Variants in LEKR1 observed in about 807,000 individuals in gnomAD.
LEKR1 encodes the protein protein LEKR1.
A neutral mutation model predicts 72.4 loss-of-function variants in LEKR1; 59 were observed. The observed-to-expected ratio is 0.82, with a 90% CI of 0.66 to 1.01. The LOEUF (loss-of-function observed/expected upper bound fraction) is 1.01. Among genes scored for constraint, LEKR1 ranks in the 50% least tolerant of loss-of-function variants. LEKR1 has a pLI of 0.00. For synonymous variants in LEKR1, 257 were observed against 263.2 expected, an observed-to-expected ratio of 0.98 and a Z score of 0.23; for missense variants, 728 against 759.2, an observed-to-expected ratio of 0.96 and a Z score of 0.48.
chr3:157,035,368 A>T (rs1328716970), intron 12 of LEKR1, among the ~76,000 whole-genome samples: 1 of 152,168 alleles, frequency 6.6e-6, no homozygotes, highest in Non-Finnish European at 1.5e-5. Context: ...CCAGTTCCCA[A>T]GAAGCCCCTG....
intron 9 of LEKR1, among the ~76,000 whole-genome samples, chr3:157,006,075 G>T (rs554427014): frequency 6.6e-6 from 1 of 150,418 alleles, no homozygotes; most frequent in East Asian, 2.0e-4. Flanking sequence ...GCGCAATCTC[G>T]GCTTACTGCA....
intron 3 of LEKR1, among the ~76,000 whole-genome samples, chr3:156,891,936 C>T (rs936025774): frequency 6.6e-6 from 1 of 151,952 alleles, no homozygotes; most frequent in South Asian, 2.1e-4. Context: ...AGACTGTACT[C>T]GTGGCATGAA....
intron 12 of LEKR1, among the ~76,000 whole-genome samples, chr3:157,042,679 AT>A (rs2108048884): frequency 1.3e-5 from 2 of 152,180 alleles, no homozygotes; most frequent in African/African-American, 4.8e-5. Flanking sequence ...AATTGATTGA[AT>A]TTATTTTTCT....
intron 9 of LEKR1, among the ~76,000 whole-genome samples, chr3:156,999,028 A>C (rs143605347): frequency 0.091 from 13,903 of 152,022 alleles, 698 homozygotes; most frequent in African/African-American, 0.12. Flanking sequence ...TTCTCACGAG[A>C]TCTGATGGTT....
chr3:157,027,962 A>G, intron 11 of LEKR1, 141 bp from the exon 12 acceptor site: 1 of 488,936 alleles, frequency 2.0e-6, no homozygotes, highest in Middle Eastern at 5.6e-4. Flanking sequence ...GAAAATCTTG[A>G]AGGCCTGCAC....
At chr3:157,010,545 A>G (rs1234935257) in intron 9 of LEKR1, among the ~76,000 whole-genome samples, 1 of 152,114 alleles carries the variant, frequency 6.6e-6, no homozygotes, top group Admixed American at 6.5e-5. Flanking sequence ...CAGAAGGGTC[A>G]GAGCTAAAAG....
chr3:156,923,412 A>T (rs536636195), intron 4 of LEKR1, among the ~76,000 whole-genome samples: 2 of 152,312 alleles, frequency 1.3e-5, no homozygotes, highest in East Asian at 3.9e-4. Context: ...GACATTTCAG[A>T]TATATGGAAT....
At chr3:157,037,629 C>G (rs780660781) in intron 12 of LEKR1, among the ~76,000 whole-genome samples, 3 of 152,106 alleles carry the variant, frequency 2.0e-5, no homozygotes, top group Non-Finnish European at 4.4e-5. Flanking sequence ...TCCATGAATC[C>G]ACAAAATCCC....
intron 7 of LEKR1, among the ~76,000 whole-genome samples, chr3:156,982,980 C>T (rs1730363367): frequency 6.6e-6 from 1 of 151,922 alleles, no homozygotes; most frequent in South Asian, 2.1e-4. Flanking sequence ...CTCTATCCTT[C>T]CTAATTCACA....
chr3:156,952,828 GT>G (rs1304949399), intron 6 of LEKR1, among the ~76,000 whole-genome samples: 1 of 151,386 alleles, frequency 6.6e-6, no homozygotes, highest in Non-Finnish European at 1.5e-5. Context: ...TAGGTGACTG[GT>G]TAAATAAATT....
chr3:156,883,060 T>A (rs1719632975), intron 3 of LEKR1, among the ~76,000 whole-genome samples: 2 of 151,870 alleles, frequency 1.3e-5, no homozygotes, highest in Non-Finnish European at 2.9e-5. Context: ...CCAGATGACG[T>A]GTTAGTGGGT....
chr3:157,018,130 A>G (rs1259007805), intron 10 of LEKR1, among the ~76,000 whole-genome samples: 1 of 152,132 alleles, frequency 6.6e-6, no homozygotes, highest in Non-Finnish European at 1.5e-5. Context: ...TCATTCACCT[A>G]AAAACAGAGC....
intron 6 of LEKR1, among the ~76,000 whole-genome samples, chr3:156,943,671 G>A (rs1356252767): frequency 6.6e-6 from 1 of 151,790 alleles, no homozygotes; most frequent in Non-Finnish European, 1.5e-5. Flanking sequence ...CTAAGACCAG[G>A]GAGATGAACA....
chr3:156,996,191 T>C (rs1207866348), intron 9 of LEKR1, among the ~76,000 whole-genome samples: 1 of 152,110 alleles, frequency 6.6e-6, no homozygotes, highest in Non-Finnish European at 1.5e-5. Flanking sequence ...ACTAGAATAA[T>C]TATAAATTGT....
rs1042363350 is a variant in LEKR1 at position 156,841,676 on chromosome 3, G to A, written c.49-11092G>A. Among the ~76,000 whole-genome samples, 8 of 152,158 alleles carry A rather than the reference G, an allele frequency of 5.3e-5. No homozygotes were observed. The East Asian group carries it at 1.5e-3, about 29-fold the overall frequency. ...GTTTGGGGTGCTTGATTTTAAAGTA[G>A]CCAGAATATGTATATACATCCCAAA... On this transcript the variant is annotated intron_variant, in intron 2 of 12. Transcript: ENST00000356539.
intron 12 of LEKR1, among the ~76,000 whole-genome samples, chr3:157,040,149 A>T (rs1735245428): frequency 6.6e-6 from 1 of 152,184 alleles, no homozygotes. Flanking sequence ...ATGAGAAGAT[A>T]TATTGAGAAA....
chr3:156,902,232 C>G (rs944094672), intron 3 of LEKR1, among the ~76,000 whole-genome samples: 2 of 152,002 alleles, frequency 1.3e-5, no homozygotes, highest in African/African-American at 2.4e-5. Context: ...CTTGTTTTCA[C>G]TGTGCACATT....
intron 3 of LEKR1, among the ~76,000 whole-genome samples, chr3:156,891,733 G>A (rs773055018): frequency 2.0e-5 from 3 of 152,044 alleles, no homozygotes; most frequent in Non-Finnish European, 2.9e-5. Context: ...TACTATATAG[G>A]TATAGACTTC....
intron 2 of LEKR1, among the ~76,000 whole-genome samples, chr3:156,846,925 A>G (rs1245260872): frequency 2.6e-5 from 4 of 151,996 alleles, no homozygotes; most frequent in African/African-American, 9.7e-5. Context: ...CAACCCTCCC[A>G]CCTCAGCCTC....
Sources: gnomAD v4.1 joint callset for allele counts (sites outside exome capture counted in the v4.1 genomes callset) on GRCh38, gnomAD v4.1.1 for gene constraint, MANE v1.5 for transcripts, NCBI Gene and HGNC (gene_info 2026-07-23, HGNC 2026-07-21) for gene names.